The following KMT2C variants were observed in gnomAD, a reference collection of about 807,000 sequenced individuals.
KMT2C encodes the protein histone-lysine N-methyltransferase 2C.
A neutral mutation model predicts 507.9 loss-of-function variants in KMT2C; 88 were observed. The ratio of observed to expected loss-of-function variants is 0.17; its 90% CI spans 0.15 to 0.21. The LOEUF (loss-of-function observed/expected upper bound fraction) is 0.21, where lower values mean the gene tolerates loss of function less well. KMT2C is among the 10% of genes least tolerant of loss of function. The pLI, the probability that KMT2C is intolerant of heterozygous loss-of-function variation, is 1.00. For missense variants in KMT2C, 4,954 were observed against 5,957.8 expected, an observed-to-expected ratio of 0.83 and a Z score of 5.55; for synonymous variants, 2,049 against 2,080.8, an observed-to-expected ratio of 0.98 and a Z score of 0.42.
chr7:152,393,659 A>AT (rs1376988566), intron 1 of KMT2C, among the ~76,000 whole-genome samples: 1 of 152,158 alleles, frequency 6.6e-6, no homozygotes, highest in Non-Finnish European at 1.5e-5. Context: ...CATGCCTGTA[A>AT]TCCCAACACT....
At chr7:152,207,809 T>C (rs1463158090) in intron 23 of KMT2C, among the ~76,000 whole-genome samples, 5 of 152,224 alleles carry the variant, frequency 3.3e-5, no homozygotes, top group African/African-American at 1.2e-4. Flanking sequence ...GAAAACTGTA[T>C]ATCCAAAATG....
At chr7:152,297,039 AAGAAAGAAAGAAAGACAGAG>A (rs2096511451) in intron 6 of KMT2C, among the ~76,000 whole-genome samples, 3 of 93,194 alleles carry the variant, frequency 3.2e-5, no homozygotes, top group East Asian at 2.9e-4. Flanking sequence ...GAAAGAAAGA[AAGAAAGAAAGAAAGACAGAG>A]AGAGAGAGAG....
chr7:152,216,257 C>T lies in KMT2C; in HGVS notation c.3712+4266G>A, dbSNP rs537437905. 4.6e-4 allele frequency among the ~76,000 whole-genome samples: 70 copies of T among 152,170 alleles called. No individual in the cohort carries two copies. The South Asian group carries it at 0.014, about 31-fold the overall frequency. The stretch of plus-strand genomic sequence containing the variant: ...CTTGCATTAACAGGGTTTCTAGATC[C>T]CAGGAGGTGAATGAGAAAGAAGTAT... On this transcript the variant is annotated intron_variant, in intron 23 of 58. Coordinates refer to ENST00000262189, the MANE Select transcript of KMT2C (RefSeq NM_170606.3).
chr7:152,294,107 T>A (rs968523004), intron 6 of KMT2C, among the ~76,000 whole-genome samples: 1 of 151,754 alleles, frequency 6.6e-6, no homozygotes, highest in Non-Finnish European at 1.5e-5. Context: ...GTAGCTCAAG[T>A]TATGTGCCTG....
intron 6 of KMT2C, among the ~76,000 whole-genome samples, chr7:152,309,482 C>T (rs1421969077): frequency 6.7e-6 from 1 of 148,864 alleles, no homozygotes; most frequent in Non-Finnish European, 1.5e-5. Flanking sequence ...CACCAGCATG[C>T]CCGGCTAATT....
chr7:152,180,612 A>G, intron 36 of KMT2C, 99 bp downstream of exon 36: 1 of 937,346 alleles, frequency 1.1e-6, no homozygotes, highest in Admixed American at 2.9e-5. Flanking sequence ...GAATAAAAAA[A>G]ATAAAACATT....
intron 40 of KMT2C, 49 bp from the exon 41 acceptor site, chr7:152,169,298 A>AG (rs750103243): frequency 3.3e-5 from 34 of 1,019,744 alleles, no homozygotes; most frequent in Non-Finnish European, 4.7e-5. Context: ...TTTCAGTTAA[A>AG]GGGGGGAAAA....
chr7:152,178,104 C>T (rs2129116225), intron 37 of KMT2C, 94 bp from the exon 38 acceptor site: 1 of 1,234,048 alleles, frequency 8.1e-7, no homozygotes, highest in Non-Finnish European at 1.0e-6. Context: ...TTCAATTAAA[C>T]TGTACATACA....
rs2089857393 is a variant in KMT2C at position 152,136,152 on chromosome 7, C to A, written c.*680G>T. The A allele has an allele frequency of 4.8e-6, 1 of 207,734 alleles. No individual in the cohort carries two copies. Among genetic ancestry groups the A allele is most frequent in the East Asian group, 7.4e-5 (1 of 13,456 alleles). 12.9% of individuals were successfully genotyped at this position (207,734 alleles called of 1,614,324 possible). On this transcript the variant is annotated 3_prime_UTR_variant, in exon 59 of 59. Transcript: ENST00000262189. The stretch of plus-strand genomic sequence containing the variant: ...TTCTAACTTTATTTAAAAATAGCTT[C>A]ATTCACTTATTCAATAATAAATACA...
At chr7:152,251,904 C>G in intron 11 of KMT2C, 35 bp downstream of exon 11, 1 of 1,534,450 alleles carries the variant, frequency 6.5e-7, no homozygotes, top group South Asian at 1.3e-5. Context: ...ATTACAAAAA[C>G]AAAAAATTTA....
At chr7:152,165,237 C>T (rs1052610466) in intron 42 of KMT2C, among the ~76,000 whole-genome samples, 1 of 152,164 alleles carries the variant, frequency 6.6e-6, no homozygotes, top group African/African-American at 2.4e-5. Context: ...TTTTATAATA[C>T]TTTTTAAAAC....
Position 152,176,322 on chromosome 7 carries a change from C to T in KMT2C, c.9131G>A (p.Arg3044Lys), listed in dbSNP as rs770587481. ...AGGCTGTTCTTCTAGAAGAAGGGGC[C>T]TCTCTCTATTCTGCTGTGCTAATGT... ...PQTLAQQNRE[R>K]PLLLEEQPLL... Residue 3044 changes from arginine (R) to lysine (K), a missense_variant, in exon 38 of 59, where the codon AGG becomes AAG. By Grantham distance (26) the Arg-to-Lys change is conservative. Coordinates refer to ENST00000262189, the MANE Select transcript of KMT2C (RefSeq NM_170606.3). 6 of 1,614,038 alleles carry T rather than the reference C, an allele frequency of 3.7e-6. No individual in the cohort carries two copies. In the South Asian group the frequency reaches 6.6e-5, roughly 18 times the overall value.
chr7:152,386,574 A>G (rs1394950371), intron 1 of KMT2C, among the ~76,000 whole-genome samples: 1 of 152,312 alleles, frequency 6.6e-6, no homozygotes, highest in Non-Finnish European at 1.5e-5. Flanking sequence ...CCTCTGTACT[A>G]CTCCCAGGCC....
chr7:152,420,767 A>T (rs1296559091), intron 1 of KMT2C, among the ~76,000 whole-genome samples: 1 of 151,916 alleles, frequency 6.6e-6, no homozygotes, highest in African/African-American at 2.4e-5. Context: ...CCCGGGAGGC[A>T]CAGGTTGCAG....
At chr7:152,332,680 C>T (rs544811384) in intron 2 of KMT2C, among the ~76,000 whole-genome samples, 32 of 152,238 alleles carry the variant, frequency 2.1e-4, no homozygotes, top group African/African-American at 6.7e-4. Context: ...GAAACCCTGT[C>T]TCTACTAAAA....
chr7:152,307,456 C>CA (rs2096632101), intron 6 of KMT2C, among the ~76,000 whole-genome samples: 1 of 151,954 alleles, frequency 6.6e-6, no homozygotes, highest in Non-Finnish European at 1.5e-5. Flanking sequence ...AACTGACACT[C>CA]CTGTGAGTTT....
chr7:152,330,455 G>A lies in KMT2C; in HGVS notation c.389+146C>T, dbSNP rs558301645. The A allele has an allele frequency of 8.1e-6, 6 of 736,282 alleles. No homozygotes were observed. In the South Asian group the frequency reaches 8.6e-5, roughly 11 times the overall value. 45.6% of individuals were successfully genotyped at this position (736,282 alleles called of 1,614,324 possible). A position where few individuals can be genotyped will look rare whatever the true frequency, so the allele number is the denominator to read the frequency against. On this transcript the variant is annotated intron_variant, in intron 3 of 58. Coordinates refer to ENST00000262189, the MANE Select transcript of KMT2C (RefSeq NM_170606.3). ...GTAACTCATCCCAACTAAACACAGA[G>A]GTATCAGCTTCAAATTTAGCTACTA... is the stretch of plus-strand genomic sequence containing the variant.
chr7:152,308,172 C>T (rs1428097073), intron 6 of KMT2C, among the ~76,000 whole-genome samples: 1 of 152,264 alleles, frequency 6.6e-6, no homozygotes, highest in Middle Eastern at 3.4e-3. Flanking sequence ...GCTTACTCAT[C>T]TATGTAAATC....
chr7:152,247,146 A>G (rs182807806), intron 14 of KMT2C, among the ~76,000 whole-genome samples: 1 of 152,294 alleles, frequency 6.6e-6, no homozygotes, highest in Admixed American at 6.5e-5. Flanking sequence ...GTTATCTTGC[A>G]ATTTTAAAAA....
Sources: gnomAD v4.1 joint callset for allele counts (sites outside exome capture counted in the v4.1 genomes callset) on GRCh38, gnomAD v4.1.1 for gene constraint, MANE v1.5 for transcripts, NCBI Gene and HGNC (gene_info 2026-07-23, HGNC 2026-07-21) for gene names.